Variants in GTF2E2 observed in about 807,000 individuals in gnomAD.
GTF2E2 encodes the protein transcription initiation factor IIE subunit beta.
In GTF2E2, 21 loss-of-function variants were observed where a neutral mutation model predicts 40.5. That is an observed-to-expected ratio of 0.52 (90% CI 0.37 to 0.75). The LOEUF (loss-of-function observed/expected upper bound fraction) is 0.75, where lower values mean the gene tolerates loss of function less well. Ranked by LOEUF, GTF2E2 falls within the 30% of genes least tolerant of loss-of-function variation. The pLI is 0.00. For missense variants in GTF2E2, 298 were observed against 338.4 expected (o/e 0.88, Z 0.94); for synonymous variants, 117 against 121.6 (o/e 0.96, Z 0.25).
intron 6 of GTF2E2, among the ~76,000 whole-genome samples, chr8:30,602,661 G>A (rs991042278): frequency 4.0e-5 from 6 of 151,136 alleles, no homozygotes; most frequent in African/African-American, 1.5e-4. Context: ...GGCTGAGGCA[G>A]GAGAATTGCT....
At chr8:30,640,878 T>C (rs1801795731) in intron 2 of GTF2E2, among the ~76,000 whole-genome samples, 1 of 152,180 alleles carries the variant, frequency 6.6e-6, no homozygotes, top group South Asian at 2.1e-4. Context: ...CTAATTTTTG[T>C]GTTTTTAGCA....
chr8:30,594,874 G>T (rs200226754), intron 6 of GTF2E2, among the ~76,000 whole-genome samples: 1 of 148,082 alleles, frequency 6.8e-6, no homozygotes, highest in Non-Finnish European at 1.5e-5. Flanking sequence ...AAAAAAAAAA[G>T]TATATACTAG....
intron 1 of GTF2E2, among the ~76,000 whole-genome samples, chr8:30,654,523 C>T (rs544189103): frequency 2.6e-5 from 4 of 152,008 alleles, no homozygotes; most frequent in Non-Finnish European, 5.9e-5. Flanking sequence ...CCACCTCAGC[C>T]TCCTGACTAG....
intron 7 of GTF2E2, among the ~76,000 whole-genome samples, chr8:30,580,046 T>C (rs1203869308): frequency 6.6e-6 from 1 of 152,126 alleles, no homozygotes; most frequent in East Asian, 1.9e-4. Context: ...TCCATATGGC[T>C]ATACCTCAAG....
intron 3 of GTF2E2, among the ~76,000 whole-genome samples, chr8:30,617,846 C>T (rs950787917): frequency 2.0e-5 from 3 of 151,920 alleles, no homozygotes; most frequent in East Asian, 1.9e-4. Flanking sequence ...CCTTGAATGA[C>T]GACATGATTA....
intron 6 of GTF2E2, among the ~76,000 whole-genome samples, chr8:30,592,956 T>C (rs1390726614): frequency 1.3e-5 from 2 of 152,174 alleles, no homozygotes; most frequent in African/African-American, 4.8e-5. Context: ...ATCCCAGCAC[T>C]TTGGGAGGCT....
chr8:30,638,314 T>A (rs16877229), intron 2 of GTF2E2, among the ~76,000 whole-genome samples: 5,918 of 152,250 alleles, frequency 0.039, 397 homozygotes, highest in African/African-American at 0.13. Flanking sequence ...AGCACTGAAG[T>A]ATTCACTGAA....
At chr8:30,605,880 T>C (rs1829304139) in intron 6 of GTF2E2, among the ~76,000 whole-genome samples, 1 of 152,164 alleles carries the variant, frequency 6.6e-6, no homozygotes, top group South Asian at 2.1e-4. Context: ...AGGCTGGTCT[T>C]GAACTCCTAG....
intron 6 of GTF2E2, among the ~76,000 whole-genome samples, chr8:30,596,240 C>T (rs943874953): frequency 2.6e-5 from 4 of 152,058 alleles, no homozygotes; most frequent in Admixed American, 6.6e-5. Flanking sequence ...TCTTCTGCCC[C>T]GTTTTCTTTC....
intron 3 of GTF2E2, among the ~76,000 whole-genome samples, chr8:30,618,984 C>G (rs1454779798): frequency 6.6e-6 from 1 of 152,208 alleles, no homozygotes; most frequent in Admixed American, 6.5e-5. Flanking sequence ...CGCCTTGTCA[C>G]CGGGCTAGAG....
At chr8:30,594,615 T>C (rs1037961842) in intron 6 of GTF2E2, among the ~76,000 whole-genome samples, 2 of 151,080 alleles carry the variant, frequency 1.3e-5, no homozygotes, top group African/African-American at 4.9e-5. Context: ...CCCAGCACTT[T>C]GGGAGGCCGA....
At chr8:30,656,186 G>A (rs990197320) in intron 1 of GTF2E2, among the ~76,000 whole-genome samples, 50 of 152,186 alleles carry the variant, frequency 3.3e-4, no homozygotes, top group African/African-American at 1.2e-3. Context: ...TAAGTGAAAT[G>A]AGGACGCTAT....
In GTF2E2 at chr8:30,636,814, C is replaced by T. The variant is rs1801617220; in HGVS notation, c.167-1691G>A. On this transcript the variant is annotated intron_variant, in intron 2 of 7. Coordinates refer to ENST00000355904, the MANE Select transcript of GTF2E2 (RefSeq NM_002095.6). The stretch of plus-strand genomic sequence containing the variant: ...GTTGCAGTGAGCCGAGATAGTGCCA[C>T]TGCACTCCAGCCTGGCAACAGAGTG... 9.8e-6 allele frequency: 3 copies of T among 305,294 alleles called. No individual in the cohort carries two copies. In the Admixed American group the frequency reaches 1.5e-4, roughly 15 times the overall value. 18.9% of individuals were successfully genotyped at this position (305,294 alleles called of 1,614,324 possible).
At chr8:30,596,037 T>TA (rs1318432397) in intron 6 of GTF2E2, among the ~76,000 whole-genome samples, 2 of 152,206 alleles carry the variant, frequency 1.3e-5, no homozygotes, top group African/African-American at 2.4e-5. Flanking sequence ...CCTCTGGAAT[T>TA]AGTCTCTTTC....
chr8:30,593,058 G>C (rs993041933), intron 6 of GTF2E2, among the ~76,000 whole-genome samples: 3 of 152,176 alleles, frequency 2.0e-5, no homozygotes, highest in African/African-American at 7.2e-5. Flanking sequence ...GCCAGGTGTG[G>C]TGGCACGTGC....
rs889618075 is a variant in GTF2E2, at chr8:30,578,499, C to G, written c.*422G>C. 1 of 159,034 alleles carries G rather than the reference C, an allele frequency of 6.3e-6. No homozygotes were observed. Among genetic ancestry groups the G allele is most frequent in the African/African-American group, 2.4e-5 (1 of 41,506 alleles). The allele number at this position is 159,034 out of a possible 1,614,324, so 9.9% of individuals were successfully genotyped here. On this transcript the variant is annotated 3_prime_UTR_variant, in exon 8 of 8. Coordinates refer to ENST00000355904, the MANE Select transcript of GTF2E2 (RefSeq NM_002095.6). ...TGCCATTTCCGAGAATGAAAAGAAACAGAATTCACTAACATCTTAAAAATC... is the reference window on the plus strand; with the variant it reads ...TGCCATTTCCGAGAATGAAAAGAAAGAGAATTCACTAACATCTTAAAAATC...
At chr8:30,632,036 G>C (rs977717636) in intron 3 of GTF2E2, among the ~76,000 whole-genome samples, 1 of 152,198 alleles carries the variant, frequency 6.6e-6, no homozygotes, top group African/African-American at 2.4e-5. Context: ...CTTGAGGCTA[G>C]GAGATCGAGG....
At chr8:30,619,931 C>G (rs1291837412) in intron 3 of GTF2E2, among the ~76,000 whole-genome samples, 1 of 151,886 alleles carries the variant, frequency 6.6e-6, no homozygotes, top group African/African-American at 2.4e-5. Context: ...TTCCAGGTGT[C>G]CCTTAAAAGG....
At position 30,658,206 on chromosome 8, in the gene GTF2E2, C is replaced by G. The variant is rs1286251557; in HGVS notation, c.-238G>C. 5.4e-6 allele frequency: 1 copy of G among 184,846 alleles called. No individual in the cohort carries two copies. The highest frequency in any genetic ancestry group is 2.4e-5 in the African/African-American group (1 of 41,646). The allele number at this position is 184,846 out of a possible 1,614,324, so 11.5% of individuals were successfully genotyped here. A position where few individuals can be genotyped will look rare whatever the true frequency, so the allele number is the denominator to read the frequency against. On this transcript the variant is annotated 5_prime_UTR_variant, in exon 1 of 8. Coordinates refer to ENST00000355904, the MANE Select transcript of GTF2E2 (RefSeq NM_002095.6). ...GCGACTGGACCCGGGACTCCGCCCG[C>G]CACTTCCCGATCGGGTGCTAGGAGC...
Sources: gnomAD v4.1 joint callset for allele counts (sites outside exome capture counted in the v4.1 genomes callset) on GRCh38, gnomAD v4.1.1 for gene constraint, MANE v1.5 for transcripts, NCBI Gene and HGNC (gene_info 2026-07-23, HGNC 2026-07-21) for gene names.